The following ABCA6 variants were observed in gnomAD, a reference collection of about 807,000 sequenced individuals.
The protein encoded by ABCA6 is ATP binding cassette subfamily A member 6, also known as ATP-binding cassette sub-family A member 6.
A neutral mutation model predicts 191.2 loss-of-function variants in ABCA6; 164 were observed. That is an observed-to-expected ratio of 0.86 (90% confidence interval 0.76 to 0.98). The LOEUF (loss-of-function observed/expected upper bound fraction) is 0.98, where lower values mean the gene tolerates loss of function less well. ABCA6 is among the 50% of genes least tolerant of loss of function. ABCA6 has a pLI of 0.00. For synonymous variants in ABCA6, 636 were observed against 647.7 expected (o/e 0.98, Z 0.27); for missense variants, 1,958 against 1,894.1 (o/e 1.03, Z -0.63).
chr17:69,095,161 G>A (rs757085788), intron 25 of ABCA6: 6 of 205,440 alleles, frequency 2.9e-5, no homozygotes, highest in Non-Finnish European at 6.3e-5. Context: ...ATCTGATCTA[G>A]CACCTGAGAT....
rs756114521 is a variant in ABCA6, at chr17:69,105,609, C to T, written c.2593G>A (p.Ala865Thr). Residue 865 changes from alanine (A) to threonine (T), a missense_variant, in exon 20 of 39, where the codon GCA becomes ACA. Transcript: ENST00000284425. ...TTTTCAACAATCAAAGGGAATATTG[C>T]GATTCCAAATACCAATAATCTAAAC... ...LLTLLLVFGI[A>T]IFPLIVENIM... 1.7e-5 allele frequency: 26 copies of T among 1,503,284 alleles called. 1 individual carries two copies. The East Asian group carries it at 3.6e-4, about 21-fold the overall frequency. The allele number at this position is 1,503,284 out of a possible 1,614,324, so 93.1% of individuals were successfully genotyped here. A position where few individuals can be genotyped will look rare whatever the true frequency, so the allele number is the denominator to read the frequency against.
At chr17:69,114,670 CAG>C in intron 13 of ABCA6, 90 bp downstream of exon 13, 2 of 1,299,634 alleles carry the variant, frequency 1.5e-6, no homozygotes, top group Non-Finnish European at 2.1e-6. Flanking sequence ...TTATTCATAA[CAG>C]GGCAAATAAA....
Position 69,110,921 on chromosome 17 carries a change from A to C in ABCA6, c.2152T>G (p.Cys718Gly), listed in dbSNP as rs1404647722. 6.2e-7 allele frequency: 1 copy of C among 1,604,774 alleles called. No individual in the cohort carries two copies. The highest frequency in any genetic ancestry group is 1.3e-5 in the African/African-American group (1 of 74,330). The change falls in exon 17 of 39, where the codon TGT becomes GGT. Residue 718 changes from cysteine (C) to glycine (G), a missense_variant. Cys to Gly is a radical substitution (Grantham distance 159, BLOSUM62 -3). Transcript: ENST00000284425. The stretch of plus-strand genomic sequence containing the variant: ...AAGGATGTTATTTGTTCTGGGTTAC[A>C]TATTTCATTCCTATGTAAACTAATA... ...YHLSLHRNEI[C>G]NPEQITSFIT...
chr17:69,088,660 T>C (rs1005969929), intron 27 of ABCA6, among the ~76,000 whole-genome samples: 2 of 152,198 alleles, frequency 1.3e-5, no homozygotes, highest in African/African-American at 4.8e-5. Flanking sequence ...ACTTTTTTAA[T>C]ACATAAGCCT....
rs892976827 is a variant in ABCA6 at position 69,110,837 on chromosome 17, A to T, written c.2236T>A (p.Tyr746Asn). ...LKTENKEKLV[Y>N]TLPLERTNTF... ...TTTGTCCTTTCCAGTGGCAAAGTATATACAAGCTTTTCTTTGTTTTCTGTT... is the reference window on the plus strand; with the variant it reads ...TTTGTCCTTTCCAGTGGCAAAGTATTTACAAGCTTTTCTTTGTTTTCTGTT... Residue 746 changes from tyrosine (Y) to asparagine (N), a missense_variant, in exon 17 of 39, where the codon TAT (tyrosine) becomes AAT (asparagine). By Grantham distance (143) the Tyr-to-Asn change is moderately radical. Coordinates refer to ENST00000284425, the MANE Select transcript of ABCA6 (RefSeq NM_080284.3). 6.2e-7 allele frequency: 1 copy of T among 1,611,502 alleles called. No homozygotes were observed. The highest frequency in any genetic ancestry group is 1.3e-5 in the African/African-American group (1 of 74,984).
intron 37 of ABCA6, among the ~76,000 whole-genome samples, chr17:69,080,730 T>A (rs944662375): frequency 6.6e-6 from 1 of 152,106 alleles, no homozygotes; most frequent in South Asian, 2.1e-4. Flanking sequence ...AAAGTAATAA[T>A]TTGGGACACT....
intron 25 of ABCA6, chr17:69,094,650 G>C: frequency 6.2e-6 from 1 of 162,394 alleles, no homozygotes; most frequent in East Asian, 1.5e-4. Flanking sequence ...GATGCTGAAT[G>C]CTCTCTTGTC....
At position 69,101,611 on chromosome 17, in the gene ABCA6, A is replaced by G. The variant is rs867461562; in HGVS notation, c.2875-677T>C. Among the ~76,000 whole-genome samples, 25 of 149,994 alleles carry G rather than the reference A, an allele frequency of 1.7e-4. 1 individual carries two copies. Among genetic ancestry groups the G allele is most frequent in the Middle Eastern group, 7.0e-3 (2 of 284 alleles). On this transcript the variant is annotated intron_variant, in intron 21 of 38. Transcript: ENST00000284425. ...ACTCTGTCTCAAAAAAAAAAAAAAA[A>G]GCAGCAGCAGCAGCAAAGGAATGCT...
chr17:69,102,563 G>A (rs1195381525), intron 21 of ABCA6, among the ~76,000 whole-genome samples: 1 of 152,032 alleles, frequency 6.6e-6, no homozygotes, highest in Non-Finnish European at 1.5e-5. Flanking sequence ...AATTATATTG[G>A]TTGATAATTA....
chr17:69,128,793 C>G lies in ABCA6; in HGVS notation c.945G>C (p.Val315=), dbSNP rs1219639687. 4 of 1,589,922 alleles carry G rather than the reference C, an allele frequency of 2.5e-6. No individual in the cohort carries two copies. In the African/African-American group the frequency reaches 5.4e-5, roughly 22 times the overall value. ...FLYGLSLVAL[V]FLMSVLLKKA... is the part of the protein sequence containing the mutation. ...TCTTTAACAGCACACTCATCAGGAA[C>G]ACCAAAGCTACCTGCAAGAGAGAGA... is the stretch of plus-strand genomic sequence containing the variant. The change falls in exon 8 of 39, where the codon GTG becomes GTC. Residue 315 remains valine, a synonymous_variant. Transcript: ENST00000284425.
chr17:69,110,601 C>T (rs1458367802), intron 17 of ABCA6, 200 bp downstream of exon 17: 1 of 551,282 alleles, frequency 1.8e-6, no homozygotes, highest in South Asian at 2.3e-5. Flanking sequence ...TCCCTCTCTC[C>T]TGTCCCCATT....
chr17:69,085,551 A>T, intron 31 of ABCA6, 74 bp downstream of exon 31: 1 of 883,848 alleles, frequency 1.1e-6, no homozygotes, highest in Non-Finnish European at 1.7e-6. Context: ...GAAAAATAGT[A>T]TAGTCTTACA....
At chr17:69,110,699 ACT>A in intron 17 of ABCA6, 100 bp downstream of exon 17, 1 of 1,389,548 alleles carries the variant, frequency 7.2e-7, no homozygotes. Context: ...GGTGGCCAAA[ACT>A]AAGAAAAAGT....
intron 30 of ABCA6, 126 bp from the exon 31 acceptor site, chr17:69,085,842 T>C: frequency 1.5e-6 from 1 of 654,364 alleles, no homozygotes; most frequent in Non-Finnish European, 2.7e-6. Context: ...ATTGATAACA[T>C]ATATGTAATC....
intron 8 of ABCA6, among the ~76,000 whole-genome samples, chr17:69,125,885 A>G (rs867277354): frequency 6.6e-6 from 1 of 152,212 alleles, no homozygotes; most frequent in South Asian, 2.1e-4. Flanking sequence ...TGTAATATCT[A>G]TTCATAGTAA....
intron 2 of ABCA6, among the ~76,000 whole-genome samples, chr17:69,138,976 C>A (rs533276459): frequency 1.3e-4 from 20 of 152,196 alleles, no homozygotes; most frequent in African/African-American, 4.8e-4. Flanking sequence ...AACGTTAGAC[C>A]TAAAACCATA....
Position 69,096,670 on chromosome 17 carries a change from G to T in ABCA6, c.3252C>A (p.Asn1084Lys). The change falls in exon 24 of 39, where the codon AAC becomes AAA. Residue 1084 changes from asparagine to lysine, a missense_variant. Asn to Lys is a moderately conservative substitution (Grantham distance 94). Coordinates refer to ENST00000284425, the MANE Select transcript of ABCA6 (RefSeq NM_080284.3). ...LLMYLIFYIE[N>K]MQYLLITSQI... is the part of the protein sequence containing the mutation. ...GGCTTGTAATAAGAAGGTACTGCAT[G>T]TTTTCTATGTAGAAAATTAAATACA... The T allele has an allele frequency of 6.4e-7, 1 of 1,567,474 alleles. No individual in the cohort carries two copies. Among genetic ancestry groups the T allele is most frequent in the East Asian group, 2.3e-5 (1 of 43,500 alleles).
At chr17:69,116,398 A>G (rs1037687893) in intron 11 of ABCA6, among the ~76,000 whole-genome samples, 17 of 152,100 alleles carry the variant, frequency 1.1e-4, no homozygotes, top group African/African-American at 4.1e-4. Context: ...TGTCGTTGTC[A>G]TTATTATTCA....
chr17:69,132,856 A>G (rs978576404), intron 6 of ABCA6, among the ~76,000 whole-genome samples: 9 of 132,324 alleles, frequency 6.8e-5, no homozygotes, highest in Non-Finnish European at 1.3e-4. Flanking sequence ...CTACCTACAT[A>G]CATATATACA....
Sources: gnomAD v4.1 joint callset for allele counts (sites outside exome capture counted in the v4.1 genomes callset) on GRCh38, gnomAD v4.1.1 for gene constraint, MANE v1.5 for transcripts, NCBI Gene and HGNC (gene_info 2026-07-23, HGNC 2026-07-21) for gene names.